CACNA2D3: variants seen among roughly 807,000 people sequenced by gnomAD.
CACNA2D3 encodes calcium voltage-gated channel auxiliary subunit alpha2delta 3.
Under a neutral mutation model 160.6 loss-of-function variants are expected in CACNA2D3, and 60 were observed. That is an observed-to-expected ratio of 0.37 (90% confidence interval 0.30 to 0.46). The LOEUF is 0.46. CACNA2D3 is among the 20% of genes least tolerant of loss of function. CACNA2D3 has a pLI of 1.00. For missense variants in CACNA2D3, 1,205 were observed against 1,365.0 expected (o/e 0.88, Z 1.85); for synonymous variants, 558 against 492.9 (o/e 1.13, Z -1.75).
At chr3:54,871,043 TAC>T (rs58370850) in intron 17 of CACNA2D3, among the ~76,000 whole-genome samples, 8,080 of 142,496 alleles carry the variant, frequency 0.057, 234 homozygotes, top group African/African-American at 0.079. Flanking sequence ...AGCTTTGGGA[TAC>T]ACACACACAC....
intron 35 of CACNA2D3, among the ~76,000 whole-genome samples, chr3:55,022,348 C>T (rs7629578): frequency 0.017 from 2,546 of 152,076 alleles, 30 homozygotes; most frequent in African/African-American, 0.031. Context: ...AACCCTTTTT[C>T]GTCATTTTGC....
At chr3:54,857,628 T>A (rs1373481464) in intron 17 of CACNA2D3, among the ~76,000 whole-genome samples, 1 of 152,222 alleles carries the variant, frequency 6.6e-6, no homozygotes, top group Non-Finnish European at 1.5e-5. Flanking sequence ...CCTGCGGGTA[T>A]TTCCTGGGAA....
rs1699622648 is a variant in CACNA2D3 at position 54,127,702 on chromosome 3, TA to T, written c.204+4109del. Among the ~76,000 whole-genome samples, 4 of 152,350 alleles carry T rather than the reference TA, an allele frequency of 2.6e-5. No individual in the cohort carries two copies. In the South Asian group the frequency reaches 6.2e-4, roughly 24 times the overall value. ...AATACTGGACTTTTCCTTAGCAGGT[TA>T]TTTTTAAAAGCTTGAAATCTCTGAA... On this transcript the variant is annotated intron_variant, in intron 2 of 37. Transcript: ENST00000474759.
chr3:54,404,201 G>A (rs1354003355), intron 4 of CACNA2D3, among the ~76,000 whole-genome samples: 1 of 152,010 alleles, frequency 6.6e-6, no homozygotes, highest in Non-Finnish European at 1.5e-5. Context: ...TACACGTCAG[G>A]TCAGTATCAA....
chr3:54,811,089 G>A (rs1346342750), intron 13 of CACNA2D3, among the ~76,000 whole-genome samples: 1 of 152,074 alleles, frequency 6.6e-6, no homozygotes, highest in Non-Finnish European at 1.5e-5. Context: ...CCTCATCTAC[G>A]TGCAGACAGT....
chr3:54,755,309 G>T (rs947891646), intron 12 of CACNA2D3, among the ~76,000 whole-genome samples: 23 of 152,038 alleles, frequency 1.5e-4, no homozygotes, highest in Admixed American at 2.6e-4. Context: ...TCTGTGGGGG[G>T]GCTCAGCATT....
At chr3:54,579,952 A>G (rs1702647097) in intron 8 of CACNA2D3, among the ~76,000 whole-genome samples, 1 of 152,196 alleles carries the variant, frequency 6.6e-6, no homozygotes, top group Non-Finnish European at 1.5e-5. Context: ...AAAAGCAAAG[A>G]TGAACGAGAG....
intron 2 of CACNA2D3, among the ~76,000 whole-genome samples, chr3:54,124,312 A>G (rs986827063): frequency 2.6e-5 from 4 of 152,230 alleles, no homozygotes; most frequent in African/African-American, 9.6e-5. Context: ...GCATAAGCTT[A>G]AAATTACATT....
At chr3:54,454,802 G>C (rs1700369126) in intron 4 of CACNA2D3, among the ~76,000 whole-genome samples, 1 of 151,896 alleles carries the variant, frequency 6.6e-6, no homozygotes, top group Non-Finnish European at 1.5e-5. Context: ...TGCTTATATG[G>C]GATCAACTTT....
At chr3:54,805,441 A>G (rs907660682) in intron 13 of CACNA2D3, among the ~76,000 whole-genome samples, 2 of 152,230 alleles carry the variant, frequency 1.3e-5, no homozygotes, top group Non-Finnish European at 2.9e-5. Flanking sequence ...CAAATAAACT[A>G]GAAAATCTAG....
chr3:54,634,846 G>C (rs566868525), intron 10 of CACNA2D3, among the ~76,000 whole-genome samples: 1 of 152,256 alleles, frequency 6.6e-6, no homozygotes, highest in Admixed American at 6.5e-5. Flanking sequence ...CACTTCTTTT[G>C]TGATTCTTTA....
chr3:54,977,080 G>A (rs185702274), intron 29 of CACNA2D3, among the ~76,000 whole-genome samples: 1 of 152,212 alleles, frequency 6.6e-6, no homozygotes, highest in South Asian at 2.1e-4. Context: ...GAAACAAATG[G>A]GGTAAGGGGC....
chr3:54,579,994 G>A (rs1702647832), intron 8 of CACNA2D3, among the ~76,000 whole-genome samples: 1 of 152,192 alleles, frequency 6.6e-6, no homozygotes, highest in Non-Finnish European at 1.5e-5. Flanking sequence ...GAGATCTGGA[G>A]GTTTGGGGGC....
At chr3:54,890,509 A>AAAAAAG (rs1559618850) in intron 24 of CACNA2D3, among the ~76,000 whole-genome samples, 14 of 151,510 alleles carry the variant, frequency 9.2e-5, no homozygotes, top group South Asian at 4.2e-4. Context: ...AAAAAAAAAA[A>AAAAAAG]AAAAAGAAAA....
At chr3:54,647,157 T>C (rs568526690) in intron 11 of CACNA2D3, among the ~76,000 whole-genome samples, 1 of 152,208 alleles carries the variant, frequency 6.6e-6, no homozygotes. Flanking sequence ...GATTGTAGAC[T>C]TGTAGGATCA....
At chr3:54,468,580 C>T (rs191191215) in intron 4 of CACNA2D3, among the ~76,000 whole-genome samples, 4 of 152,298 alleles carry the variant, frequency 2.6e-5, no homozygotes, top group African/African-American at 7.2e-5. Context: ...AAGACAGAAC[C>T]GTTTCCCCCC....
At chr3:54,552,752 A>G (rs1255162645) in intron 5 of CACNA2D3, among the ~76,000 whole-genome samples, 1 of 152,198 alleles carries the variant, frequency 6.6e-6, no homozygotes, top group Non-Finnish European at 1.5e-5. Context: ...TAATGTCTCT[A>G]AAGGAGACTT....
intron 11 of CACNA2D3, among the ~76,000 whole-genome samples, chr3:54,723,651 C>A (rs555226615): frequency 6.6e-6 from 1 of 152,288 alleles, no homozygotes; most frequent in South Asian, 2.1e-4. Flanking sequence ...TTCTCTGACG[C>A]CTTGCACTTC....
intron 2 of CACNA2D3, among the ~76,000 whole-genome samples, chr3:54,191,152 A>T (rs550000137): frequency 6.6e-5 from 10 of 152,188 alleles, no homozygotes; most frequent in African/African-American, 2.4e-4. Flanking sequence ...AGGCCAAAAC[A>T]CATTCCTGCT....
Sources: allele counts gnomAD v4.1 joint callset (sites outside exome capture counted in the v4.1 genomes callset), GRCh38; gene constraint gnomAD v4.1.1; transcripts MANE v1.5; gene names NCBI Gene and HGNC (gene_info 2026-07-23, HGNC 2026-07-21).